The following DNAH5 variants were observed in gnomAD, a reference collection of about 807,000 sequenced individuals.
DNAH5 encodes axonemal beta dynein heavy chain 5.
DNAH5 carries 372 observed loss-of-function variants against 518.2 expected under a neutral mutation model. That is an observed-to-expected ratio of 0.72 (90% confidence interval 0.66 to 0.78). The LOEUF (loss-of-function observed/expected upper bound fraction) is 0.78. Among genes scored for constraint, DNAH5 ranks in the 30% least tolerant of loss-of-function variants. The probability of loss-of-function intolerance (pLI) is 0.00; values close to 1 mark genes in which losing one functional copy is unlikely to be tolerated. For missense variants in DNAH5, 5,523 were observed against 5,687.0 expected (o/e 0.97, Z 0.93); for synonymous variants, 2,039 against 2,025.9 (o/e 1.01, Z -0.17).
chr5:13,749,953 G>A (rs1749970554), intron 65 of DNAH5, among the ~76,000 whole-genome samples: 1 of 143,540 alleles, frequency 7.0e-6, no homozygotes, highest in African/African-American at 2.6e-5. Flanking sequence ...GCCATTCTGA[G>A]ATCACTCAAC....
At chr5:13,886,685 G>A (rs1172601013) in intron 17 of DNAH5, among the ~76,000 whole-genome samples, 3 of 152,224 alleles carry the variant, frequency 2.0e-5, no homozygotes, top group Non-Finnish European at 4.4e-5. Context: ...TGGTTGGAAA[G>A]TAAGCCCATG....
intron 3 of DNAH5, among the ~76,000 whole-genome samples, chr5:13,925,687 A>G (rs1436974284): frequency 1.3e-5 from 2 of 152,226 alleles, no homozygotes; most frequent in Admixed American, 1.3e-4. Context: ...ACCCGCCTCC[A>G]TAAGTCAATC....
At chr5:13,976,037 T>A (rs941071885) in intron 1 of DNAH5, among the ~76,000 whole-genome samples, 2 of 152,130 alleles carry the variant, frequency 1.3e-5, no homozygotes, top group Non-Finnish European at 2.9e-5. Flanking sequence ...TCTAAAAAAA[T>A]TTTTTTAAAA....
At position 13,770,752 on chromosome 5, in the gene DNAH5, T is replaced by C. The variant is rs1238041451; in HGVS notation, c.9602A>G (p.Asn3201Ser). 2 of 1,613,230 alleles carry C rather than the reference T, an allele frequency of 1.2e-6. No homozygotes were observed. Among genetic ancestry groups the C allele is most frequent in the Non-Finnish European group, 1.7e-6 (2 of 1,179,378 alleles). The part of the protein sequence containing the change: ...EKHVEVRTLA[N>S]RMNTGLEKLK... ...TGTATAAGAACATCACACTTACCTG[T>C]TGGCCAGGGTCCGCACCTCCACATG... Residue 3201 changes from asparagine to serine, a missense_variant, in exon 56 of 79, where the codon AAC becomes AGC. Asn to Ser is a conservative substitution (Grantham distance 46). This residue lies in a region of DNAH5 where 5,121 missense variants were observed against 5,223.3 expected (regional missense o/e 0.98). Coordinates refer to ENST00000265104, the MANE Select transcript of DNAH5 (RefSeq NM_001369.3).
Position 13,880,102 on chromosome 5 carries a change from T to C in DNAH5, c.3262+2626A>G, listed in dbSNP as rs1771454325. 2.0e-5 allele frequency among the ~76,000 whole-genome samples: 3 copies of C among 152,178 alleles called. No individual in the cohort carries two copies. In the South Asian group the frequency reaches 6.2e-4, roughly 32 times the overall value. ...AAGGGAACACTCATAAGACTATCAG[T>C]AGATTTCTTAGCAGAAGCCTTGCAG... On this transcript the variant is annotated intron_variant, in intron 21 of 78. Coordinates refer to ENST00000265104, the MANE Select transcript of DNAH5 (RefSeq NM_001369.3).
intron 41 of DNAH5, 50 bp from the exon 42 acceptor site, chr5:13,817,744 A>G (rs745523556): frequency 6.3e-7 from 1 of 1,582,128 alleles, no homozygotes; most frequent in Non-Finnish European, 8.7e-7. Flanking sequence ...GAAGTGAACC[A>G]TCATTAAGCA....
intron 47 of DNAH5, among the ~76,000 whole-genome samples, chr5:13,801,579 C>T (rs146899109): frequency 6.6e-6 from 1 of 152,184 alleles, no homozygotes; most frequent in Admixed American, 6.5e-5. Context: ...TGGTCCAGCC[C>T]AACCTCCCTC....
chr5:14,007,051 G>T (rs1280587009), intron 1 of DNAH5, among the ~76,000 whole-genome samples: 1 of 152,144 alleles, frequency 6.6e-6, no homozygotes, highest in Admixed American at 6.5e-5. Flanking sequence ...CCTCTCCATA[G>T]CCCTGCAAGG....
intron 78 of DNAH5, among the ~76,000 whole-genome samples, chr5:13,694,176 G>C (rs1275642370): frequency 6.6e-6 from 1 of 152,098 alleles, no homozygotes; most frequent in African/African-American, 2.4e-5. Context: ...TGACTACTTG[G>C]ATTTTAATCC....
chr5:13,797,330 A>G (rs1251258902), intron 47 of DNAH5, among the ~76,000 whole-genome samples: 6 of 152,218 alleles, frequency 3.9e-5, no homozygotes, highest in Non-Finnish European at 7.3e-5. Context: ...TCCAGAATCT[A>G]CAGAGAACTC....
intron 40 of DNAH5, among the ~76,000 whole-genome samples, chr5:13,822,775 G>A (rs1762394427): frequency 6.6e-6 from 1 of 152,172 alleles, no homozygotes; most frequent in Non-Finnish European, 1.5e-5. Context: ...TATACATAGT[G>A]TGGTGGGTTC....
chr5:13,989,164 G>A (rs1783309801), intron 1 of DNAH5, among the ~76,000 whole-genome samples: 1 of 152,094 alleles, frequency 6.6e-6, no homozygotes, highest in African/African-American at 2.4e-5. Context: ...CAGAATGGAA[G>A]TGAAGTGTAG....
chr5:13,700,260 G>A (rs1741914364), intron 78 of DNAH5, among the ~76,000 whole-genome samples: 1 of 152,146 alleles, frequency 6.6e-6, no homozygotes, highest in African/African-American at 2.4e-5. Context: ...ATTCTTCAAA[G>A]CTCAGTCCAG....
rs1380292180 is a variant in DNAH5, at chr5:13,885,952, C to T, written c.2743+12G>A. 4.3e-6 allele frequency: 7 copies of T among 1,609,712 alleles called. No individual in the cohort carries two copies. In the East Asian group the frequency reaches 1.1e-4, roughly 26 times the overall value. On this transcript the variant is annotated intron_variant, in intron 18 of 78. Transcript: ENST00000265104. ...TAGAAAAACAAGACCCTTTCATTACCCCATCTCTTACCTGAACTTTCATTT... is the reference window on the plus strand; with the variant it reads ...TAGAAAAACAAGACCCTTTCATTACTCCATCTCTTACCTGAACTTTCATTT...
chr5:13,693,568 C>T (rs948707266), intron 78 of DNAH5, among the ~76,000 whole-genome samples: 2 of 152,186 alleles, frequency 1.3e-5, no homozygotes, highest in African/African-American at 4.8e-5. Context: ...ATTCTACTTA[C>T]GGAGGACATT....
intron 30 of DNAH5, among the ~76,000 whole-genome samples, chr5:13,851,648 C>T (rs795520): frequency 0.44 from 66,622 of 151,776 alleles, 14,843 homozygotes; most frequent in South Asian, 0.5. Flanking sequence ...TTCTGTATGT[C>T]ACCAATGAGT....
chr5:13,887,544 C>A (rs187798239), intron 17 of DNAH5, among the ~76,000 whole-genome samples: 2 of 152,266 alleles, frequency 1.3e-5, no homozygotes, highest in East Asian at 3.9e-4. Context: ...CCAAAAGGGC[C>A]TTTCTTTCAA....
At chr5:13,920,891 G>A (rs1036744431) in intron 5 of DNAH5, among the ~76,000 whole-genome samples, 1 of 151,978 alleles carries the variant, frequency 6.6e-6, no homozygotes, top group African/African-American at 2.4e-5. Context: ...CCCACCTGGG[G>A]ACCCATCCCA....
At chr5:13,892,190 G>A (rs1773336360) in intron 16 of DNAH5, among the ~76,000 whole-genome samples, 1 of 152,140 alleles carries the variant, frequency 6.6e-6, no homozygotes, top group African/African-American at 2.4e-5. Context: ...TACTAAAAGA[G>A]AGCCAACACT....
Sources: allele counts gnomAD v4.1 joint callset (sites outside exome capture counted in the v4.1 genomes callset), GRCh38; gene constraint gnomAD v4.1.1; regional missense constraint gnomAD v4.1.1; transcripts MANE v1.5; gene names NCBI Gene and HGNC (gene_info 2026-07-23, HGNC 2026-07-21).